Variants in FRAS1 observed in about 807,000 individuals in gnomAD.
FRAS1 encodes Fraser extracellular matrix complex subunit 1.
A neutral mutation model predicts 435.2 loss-of-function variants in FRAS1; 290 were observed. The ratio of observed to expected loss-of-function variants is 0.67; its 90% CI spans 0.61 to 0.73. The LOEUF (loss-of-function observed/expected upper bound fraction) is 0.73. Among genes scored for constraint, FRAS1 ranks in the 30% least tolerant of loss-of-function variants. The probability of loss-of-function intolerance (pLI) is 0.00; values close to 1 mark genes in which losing one functional copy is unlikely to be tolerated. For synonymous variants in FRAS1, 1,800 were observed against 1,851.0 expected (o/e 0.97, Z 0.71); for missense variants, 4,860 against 5,001.5 (o/e 0.97, Z 0.85).
At chr4:78,389,226 G>T (rs1478610501) in intron 29 of FRAS1, among the ~76,000 whole-genome samples, 2 of 152,162 alleles carry the variant, frequency 1.3e-5, no homozygotes, top group Non-Finnish European at 2.9e-5. Flanking sequence ...TCTTTCTCAT[G>T]GTAGTAGATT....
In FRAS1 at chr4:78,515,944, C is replaced by G; in HGVS notation, c.10320C>G (p.Thr3440=). 1 of 1,613,996 alleles carries G rather than the reference C, an allele frequency of 6.2e-7. No individual in the cohort carries two copies. Among genetic ancestry groups the G allele is most frequent in the Non-Finnish European group, 8.5e-7 (1 of 1,179,884 alleles). The change falls in exon 66 of 74, where the codon ACC becomes ACG. Residue 3440 remains threonine, a synonymous_variant. Transcript: ENST00000512123. ...KHLNLKSCVW[T]FDAYYDMTEL... ...TGAACCTGAAGAGCTGCGTGTGGAC[C>G]TTTGATGCTTATTATGACATGACTG...
intron 2 of FRAS1, among the ~76,000 whole-genome samples, chr4:78,116,970 A>C (rs1399511957): frequency 6.6e-6 from 1 of 152,152 alleles, no homozygotes; most frequent in East Asian, 1.9e-4. Context: ...GGGTCTTACC[A>C]GTTGTTCCTT....
chr4:78,100,237 C>T (rs756372907), intron 2 of FRAS1, among the ~76,000 whole-genome samples: 1 of 152,208 alleles, frequency 6.6e-6, no homozygotes, highest in Non-Finnish European at 1.5e-5. Flanking sequence ...ACCTGGTTGA[C>T]CTCTCCCCTC....
intron 2 of FRAS1, among the ~76,000 whole-genome samples, chr4:78,182,629 G>T (rs540667929): frequency 1.3e-5 from 2 of 152,174 alleles, no homozygotes; most frequent in African/African-American, 4.8e-5. Context: ...TGTAATCCCA[G>T]CACTTTGGGA....
intron 29 of FRAS1, among the ~76,000 whole-genome samples, chr4:78,387,985 C>A (rs953334027): frequency 6.6e-6 from 1 of 152,132 alleles, no homozygotes; most frequent in Non-Finnish European, 1.5e-5. Context: ...CCTGCCTGAG[C>A]ATAACCATAA....
At chr4:78,372,909 T>C in intron 24 of FRAS1, 51 bp downstream of exon 24, 1 of 1,570,644 alleles carries the variant, frequency 6.4e-7, no homozygotes, top group Non-Finnish European at 8.6e-7. Context: ...TGGCCACCTC[T>C]GATTTGTACT....
intron 6 of FRAS1, among the ~76,000 whole-genome samples, chr4:78,258,382 A>T (rs1725894659): frequency 6.6e-6 from 1 of 151,098 alleles, no homozygotes; most frequent in African/African-American, 2.4e-5. Context: ...ATGATTGGTA[A>T]GTCTTCTGAG....
At chr4:78,477,709 T>C (rs190919638) in intron 54 of FRAS1, 106 bp from the exon 55 acceptor site, 338 of 1,392,044 alleles carry the variant, frequency 2.4e-4, no homozygotes, top group Admixed American at 1.0e-3. Context: ...TTTCAGTCAG[T>C]GCTCTGCCCA....
At chr4:78,221,326 A>G (rs1724042919) in intron 2 of FRAS1, among the ~76,000 whole-genome samples, 1 of 152,238 alleles carries the variant, frequency 6.6e-6, no homozygotes, top group Admixed American at 6.5e-5. Context: ...CTTATTATAA[A>G]TACTGTACGT....
chr4:78,233,044 A>G (rs1313134231), intron 2 of FRAS1, among the ~76,000 whole-genome samples: 1 of 152,258 alleles, frequency 6.6e-6, no homozygotes, highest in Non-Finnish European at 1.5e-5. Context: ...CTTAGAAGAT[A>G]CTGTTTACAG....
chr4:78,076,027 G>C (rs1740620675), intron 2 of FRAS1, among the ~76,000 whole-genome samples: 1 of 152,188 alleles, frequency 6.6e-6, no homozygotes, highest in Non-Finnish European at 1.5e-5. Context: ...CTTGGATTCA[G>C]AGTCTGTCAG....
At chr4:78,234,258 C>G (rs1724640235) in intron 2 of FRAS1, among the ~76,000 whole-genome samples, 1 of 151,946 alleles carries the variant, frequency 6.6e-6, no homozygotes, top group African/African-American at 2.4e-5. Flanking sequence ...CAGAGTCTCG[C>G]TCTGTCACCC....
chr4:78,304,301 A>G (rs905484178), intron 14 of FRAS1, among the ~76,000 whole-genome samples: 1 of 152,196 alleles, frequency 6.6e-6, no homozygotes, highest in African/African-American at 2.4e-5. Flanking sequence ...CATCAAGGAT[A>G]TTGGTCTAAA....
At chr4:78,460,343 A>G (rs1038042956) in intron 47 of FRAS1, among the ~76,000 whole-genome samples, 1 of 152,216 alleles carries the variant, frequency 6.6e-6, no homozygotes, top group Non-Finnish European at 1.5e-5. Flanking sequence ...TACATAGTTT[A>G]GCCAGCAGGT....
chr4:78,469,566 T>G (rs940288787), intron 50 of FRAS1, among the ~76,000 whole-genome samples: 1 of 152,164 alleles, frequency 6.6e-6, no homozygotes, highest in East Asian at 1.9e-4. Flanking sequence ...ATTAACAATT[T>G]AATGATTATT....
rs13109364 is a variant in FRAS1, at chr4:78,417,569, T to G, written c.4426-1380T>G. ...GTGAGAGACCAGCTGCTATTCGCAA[T>G]TCTAATTTTCCTTGCTCATTACATT... On this transcript the variant is annotated intron_variant, in intron 32 of 73. Coordinates refer to ENST00000512123, the MANE Select transcript of FRAS1 (RefSeq NM_025074.7). Among the ~76,000 whole-genome samples, 982 of 152,298 alleles carry G rather than the reference T, an allele frequency of 6.4e-3. 9 individuals carry two copies. The highest frequency in any genetic ancestry group is 0.01 in the Non-Finnish European group (705 of 68,018).
At chr4:78,465,379 C>T (rs34158026) in intron 49 of FRAS1, among the ~76,000 whole-genome samples, 49,544 of 151,966 alleles carry the variant, frequency 0.33, 8,798 homozygotes, top group Admixed American at 0.41. Flanking sequence ...AAGTGCTATG[C>T]AGAAAAATAA....
chr4:78,070,488 A>G (rs1740286550), intron 2 of FRAS1: 1 of 152,148 alleles, frequency 6.6e-6, no homozygotes, highest in Non-Finnish European at 1.5e-5. Context: ...AAGGGACTAA[A>G]AATAACTTGA....
chr4:78,079,091 A>T lies in FRAS1; in HGVS notation c.108+13075A>T, dbSNP rs367716315. The stretch of plus-strand genomic sequence containing the variant: ...CATTATGTAGCCATTAAGATAATAG[A>T]TGAGAAGAGCATGTGGCCATGATGG... On this transcript the variant is annotated intron_variant, in intron 2 of 73. Transcript: ENST00000512123. 1.3e-3 allele frequency among the ~76,000 whole-genome samples: 204 copies of T among 152,330 alleles called. 1 individual carries two copies. Among genetic ancestry groups the T allele is most frequent in the African/African-American group, 4.5e-3 (189 of 41,576 alleles).
Sources: allele counts gnomAD v4.1 joint callset (sites outside exome capture counted in the v4.1 genomes callset), GRCh38; gene constraint gnomAD v4.1.1; transcripts MANE v1.5; gene names NCBI Gene and HGNC (gene_info 2026-07-23, HGNC 2026-07-21).